BMPR1B: variants seen among roughly 807,000 people sequenced by gnomAD.
BMPR1B encodes bone morphogenetic protein receptor type-1B.
In BMPR1B, 12 loss-of-function variants were observed where a neutral mutation model predicts 59.1. That is an observed-to-expected ratio of 0.20 (90% CI 0.13 to 0.33). The LOEUF (loss-of-function observed/expected upper bound fraction) is 0.33. Among genes scored for constraint, BMPR1B ranks in the 10% least tolerant of loss-of-function variants. BMPR1B has a pLI of 1.00. For missense variants in BMPR1B, 550 were observed against 610.9 expected (o/e 0.90, Z 1.05); for synonymous variants, 237 against 207.3 (o/e 1.14, Z -1.23).
intron 10 of BMPR1B, among the ~76,000 whole-genome samples, chr4:95,140,556 T>C (rs140852158): frequency 6.6e-6 from 1 of 152,252 alleles, no homozygotes; most frequent in Non-Finnish European, 1.5e-5. Flanking sequence ...TCTAAGTCAC[T>C]TGATTCATCC....
At chr4:94,936,352 A>C (rs1390150373) in intron 2 of BMPR1B, among the ~76,000 whole-genome samples, 1 of 152,208 alleles carries the variant, frequency 6.6e-6, no homozygotes, top group Non-Finnish European at 1.5e-5. Flanking sequence ...GAAGGGAAGA[A>C]GTCAAATGGT....
chr4:95,123,890 T>C lies in BMPR1B; in HGVS notation c.430T>C (p.Leu144=), dbSNP rs55980670. 3.0e-4 allele frequency: 481 copies of C among 1,610,654 alleles called. 1 individual carries two copies. Among genetic ancestry groups the C allele is most frequent in the Admixed American group, 3.7e-4 (22 of 59,980 alleles). Residue 144 remains leucine, a synonymous_variant, in exon 7 of 13, where the codon TTA becomes CTA. Coordinates refer to ENST00000515059, the MANE Select transcript of BMPR1B (RefSeq NM_001203.3). ...VCSLLLVLII[L]FCYFRYKRQE... is the part of the protein sequence containing the mutation. Reference sequence around the variant, plus strand: ...TAGTTTGCTCTTGGTCCTTATCATATTATTTTGTTACTTCCGGTAAGTTTC... The same window carrying C: ...TAGTTTGCTCTTGGTCCTTATCATACTATTTTGTTACTTCCGGTAAGTTTC...
intron 2 of BMPR1B, among the ~76,000 whole-genome samples, chr4:94,995,519 TTGAC>T (rs1261033462): frequency 2.0e-5 from 3 of 152,342 alleles, no homozygotes; most frequent in South Asian, 2.1e-4. Context: ...TAAAGCTTGA[TTGAC>T]TGACATTTAG....
chr4:95,040,047 C>T lies in BMPR1B; in HGVS notation c.-18+43913C>T, dbSNP rs555635453. ...TGAAGGTTAGTAACAGCTAAGTCTA[C>T]TACTAAATGTGTAGATCCATAGGAC... On this transcript the variant is annotated intron_variant, in intron 3 of 12. Transcript: ENST00000515059. Among the ~76,000 whole-genome samples the T allele has an allele frequency of 2.1e-4, 32 of 152,318 alleles. No homozygotes were observed. In the South Asian group the frequency reaches 2.5e-3, roughly 12 times the overall value.
intron 2 of BMPR1B, among the ~76,000 whole-genome samples, chr4:94,883,609 A>G (rs1727063171): frequency 6.6e-6 from 1 of 151,616 alleles, no homozygotes; most frequent in South Asian, 2.1e-4. Flanking sequence ...CAATATATAT[A>G]TTAAGGAATA....
chr4:94,940,248 A>G (rs772668291), intron 2 of BMPR1B, among the ~76,000 whole-genome samples: 2 of 152,200 alleles, frequency 1.3e-5, no homozygotes, highest in Non-Finnish European at 2.9e-5. Context: ...GCAGCCCAGG[A>G]CAGCTTTGAA....
intron 10 of BMPR1B, among the ~76,000 whole-genome samples, chr4:95,144,488 T>A (rs1164543321): frequency 9.1e-4 from 115 of 126,098 alleles, no homozygotes; most frequent in African/African-American, 3.0e-3. Flanking sequence ...CTTTTTTTTT[T>A]TTAAAAAAAA....
intron 1 of BMPR1B, among the ~76,000 whole-genome samples, chr4:94,862,161 G>GT (rs562533633): frequency 1.0e-4 from 15 of 148,870 alleles, no homozygotes; most frequent in African/African-American, 3.5e-4. Flanking sequence ...TTTTTTTGTT[G>GT]TTTTTTTGAG....
chr4:94,864,817 T>C (rs1726148392), intron 1 of BMPR1B, among the ~76,000 whole-genome samples: 1 of 152,088 alleles, frequency 6.6e-6, no homozygotes, highest in Non-Finnish European at 1.5e-5. Flanking sequence ...CAGCCATTCC[T>C]TTAAAAAAAA....
intron 2 of BMPR1B, among the ~76,000 whole-genome samples, chr4:94,912,814 T>C (rs985089583): frequency 6.6e-6 from 1 of 152,170 alleles, no homozygotes; most frequent in African/African-American, 2.4e-5. Context: ...TTGAGTGTTA[T>C]TACAACTAGC....
At chr4:95,144,159 A>G (rs908491514) in intron 10 of BMPR1B, among the ~76,000 whole-genome samples, 1 of 151,994 alleles carries the variant, frequency 6.6e-6, no homozygotes, top group African/African-American at 2.4e-5. Context: ...ATCCTGTTCT[A>G]TCTCCACTGT....
In BMPR1B at chr4:94,793,641, C is replaced by A. The variant is rs1294773773; in HGVS notation, c.-183+35573C>A. Among the ~76,000 whole-genome samples, 412 of 142,972 alleles carry A rather than the reference C, an allele frequency of 2.9e-3. 1 individual carries two copies. The highest frequency in any genetic ancestry group is 0.013 in the East Asian group (56 of 4,434). 93.8% of individuals were successfully genotyped at this position (142,972 alleles called of 152,430 possible). On this transcript the variant is annotated intron_variant, in intron 1 of 12. Transcript: ENST00000515059. ...TAGTTTACAGTCCCACCAACAGTGTCAAAGTGTTCCTATTTCTCCACATCC... is the reference window on the plus strand; with the variant it reads ...TAGTTTACAGTCCCACCAACAGTGTAAAAGTGTTCCTATTTCTCCACATCC...
intron 1 of BMPR1B, among the ~76,000 whole-genome samples, chr4:94,800,652 T>C (rs1046490531): frequency 1.3e-5 from 2 of 152,154 alleles, no homozygotes; most frequent in African/African-American, 4.8e-5. Context: ...CTTTGGACTT[T>C]GGTGTCCTCA....
intron 2 of BMPR1B, among the ~76,000 whole-genome samples, chr4:94,969,118 G>T (rs11946305): frequency 0.6 from 90,498 of 151,544 alleles, 28,544 homozygotes; most frequent in African/African-American, 0.8. Context: ...CACTGCAACC[G>T]CCACCTCCTG....
chr4:95,078,300 A>T (rs1400030049), intron 3 of BMPR1B, among the ~76,000 whole-genome samples: 1 of 152,206 alleles, frequency 6.6e-6, no homozygotes, highest in African/African-American at 2.4e-5. Context: ...ATATATTTTT[A>T]AATTGGTTCT....
intron 3 of BMPR1B, among the ~76,000 whole-genome samples, chr4:95,020,569 C>T (rs931232491): frequency 9.8e-5 from 9 of 91,890 alleles, no homozygotes; most frequent in Admixed American, 2.7e-4. Context: ...CAGAACAAGA[C>T]TCCATCTCAA....
chr4:94,765,067 GT>G (rs1318844321), intron 1 of BMPR1B, among the ~76,000 whole-genome samples: 1 of 152,140 alleles, frequency 6.6e-6, no homozygotes. Flanking sequence ...AGTGGCTCTT[GT>G]TAACCTGCAT....
chr4:95,036,136 G>A (rs971874745), intron 3 of BMPR1B, among the ~76,000 whole-genome samples: 4 of 151,842 alleles, frequency 2.6e-5, no homozygotes, highest in Non-Finnish European at 5.9e-5. Flanking sequence ...TGATTTTGGG[G>A]ATATATGAGA....
In BMPR1B at chr4:94,834,726, A is replaced by G. The variant is rs1724733637; in HGVS notation, c.-182-41105A>G. Among the ~76,000 whole-genome samples the G allele has an allele frequency of 1.3e-5, 2 of 152,136 alleles. 1 individual carries two copies. Among genetic ancestry groups the G allele is most frequent in the Admixed American group, 1.3e-4 (2 of 15,264 alleles). ...GTGTTTTACACTTTCTGGATCACTGATTATCCAGTACAGAAAGTTCAGCAT... is the reference window on the plus strand; with the variant it reads ...GTGTTTTACACTTTCTGGATCACTGGTTATCCAGTACAGAAAGTTCAGCAT... On this transcript the variant is annotated intron_variant, in intron 1 of 12. Coordinates refer to ENST00000515059, the MANE Select transcript of BMPR1B (RefSeq NM_001203.3).
Sources: gnomAD v4.1 joint callset for allele counts (sites outside exome capture counted in the v4.1 genomes callset) on GRCh38, gnomAD v4.1.1 for gene constraint, MANE v1.5 for transcripts, NCBI Gene and HGNC (gene_info 2026-07-23, HGNC 2026-07-21) for gene names.